Variants in HADHA observed in about 807,000 individuals in gnomAD.
The protein encoded by HADHA is trifunctional enzyme subunit alpha, mitochondrial.
In HADHA, 59 loss-of-function variants were observed where a neutral mutation model predicts 91.3. The ratio of observed to expected loss-of-function variants is 0.65; its 90% CI spans 0.52 to 0.80. HADHA has a LOEUF of 0.80. Among genes scored for constraint, HADHA ranks in the 30% least tolerant of loss-of-function variants. The probability of loss-of-function intolerance (pLI) is 0.00; values close to 1 mark genes in which losing one functional copy is unlikely to be tolerated. For missense variants in HADHA, 800 were observed against 927.6 expected (o/e 0.86, Z 1.79); for synonymous variants, 320 against 338.9 (o/e 0.94, Z 0.61).
Position 26,237,101 on chromosome 2 carries a change from A to G in HADHA, c.181-113T>C, listed in dbSNP as rs1574626729. 4.8e-6 allele frequency: 4 copies of G among 839,102 alleles called. No individual in the cohort carries two copies. In the East Asian group the frequency reaches 7.4e-5, roughly 15 times the overall value. 52.0% of individuals were successfully genotyped at this position (839,102 alleles called of 1,614,324 possible). ...AAATATACTTATCCGGCAGAAATAT[A>G]CTGTTAGAAGAGAGTAAGAAATATC... On this transcript the variant is annotated intron_variant, in intron 3 of 19. Transcript: ENST00000380649.
chr2:26,229,554 T>C lies in HADHA; in HGVS notation c.676+638A>G, dbSNP rs889420287. On this transcript the variant is annotated intron_variant, in intron 7 of 19. Transcript: ENST00000380649. This position sits in a 1 kb window ranked among gnomAD's most constrained non-coding sequence, Gnocchi z 4.3. ...ATCAATTATTGTTAATATTCTCAGG[T>C]TGGTTGTTTCATTTATTATATTACT... is the stretch of plus-strand genomic sequence containing the variant. Among the ~76,000 whole-genome samples, 2 of 152,116 alleles carry C rather than the reference T, an allele frequency of 1.3e-5. No homozygotes were observed. The highest frequency in any genetic ancestry group is 2.1e-4 in the South Asian group (1 of 4,824).
At position 26,219,005 on chromosome 2, in the gene HADHA, T is replaced by C. The variant is rs1356955532; in HGVS notation, c.677-3830A>G. Among the ~76,000 whole-genome samples the C allele has an allele frequency of 2.6e-4, 3 of 11,502 alleles. 1 individual carries two copies. The highest frequency in any genetic ancestry group is 2.0e-3 in the Admixed American group (2 of 976). 7.5% of individuals were successfully genotyped at this position (11,502 alleles called of 152,430 possible). A position where few individuals can be genotyped will look rare whatever the true frequency, so the allele number is the denominator to read the frequency against. On this transcript the variant is annotated intron_variant, in intron 7 of 19. Coordinates refer to ENST00000380649, the MANE Select transcript of HADHA (RefSeq NM_000182.5). ...CTGGGCAACAGAGCAAGACTCCGTC[T>C]CAAAAAAAAAAAAAAAAAGAAAGAA...
rs138421521 is a variant in HADHA, at chr2:26,200,636, G to A, written c.1392+513C>T. 3.3e-3 allele frequency among the ~76,000 whole-genome samples: 496 copies of A among 152,260 alleles called. 4 individuals are homozygous for A. The Middle Eastern group carries it at 0.041, about 13-fold the overall frequency. On this transcript the variant is annotated intron_variant, in intron 13 of 19. Transcript: ENST00000380649. Reference sequence around the variant, plus strand: ...GAGCTCCTACATGAATAAGGTGAACGCACCCTCATTTTCTTCCTTTAGAAT... The same window carrying A: ...GAGCTCCTACATGAATAAGGTGAACACACCCTCATTTTCTTCCTTTAGAAT...
At chr2:26,234,071 A>G in intron 5 of HADHA, 146 bp downstream of exon 5, 1 of 750,614 alleles carries the variant, frequency 1.3e-6, no homozygotes, top group Admixed American at 2.3e-5. Context: ...ACAAGAGCAA[A>G]ATTCCGTCTC....
intron 1 of HADHA, among the ~76,000 whole-genome samples, chr2:26,240,672 C>G (rs1353808356): frequency 6.6e-6 from 1 of 152,048 alleles, no homozygotes; most frequent in African/African-American, 2.4e-5. Context: ...TTCTTTGAGA[C>G]GAGGTCTCCC....
chr2:26,244,429 C>A, intron 1 of HADHA, 101 bp downstream of exon 1: 1 of 1,213,236 alleles, frequency 8.2e-7, no homozygotes, highest in South Asian at 1.3e-5. Context: ...CGTCTCCGGG[C>A]TGGGGCAGGC....
At position 26,194,065 on chromosome 2, in the gene HADHA, G is replaced by C. The variant is rs1021436368; in HGVS notation, c.1690-293C>G. On this transcript the variant is annotated intron_variant, in intron 16 of 19. Coordinates refer to ENST00000380649, the MANE Select transcript of HADHA (RefSeq NM_000182.5). ...AATCTCAATAATAAGGAGATTGCAT[G>C]ACAGACGGCTGAGTGTGTCATGACC... is the stretch of plus-strand genomic sequence containing the variant. Among the ~76,000 whole-genome samples the C allele has an allele frequency of 2.6e-5, 4 of 152,198 alleles. No homozygotes were observed. The East Asian group carries it at 7.7e-4, about 29-fold the overall frequency.
chr2:26,237,765 T>C (rs1418174386), intron 3 of HADHA, among the ~76,000 whole-genome samples: 1 of 152,386 alleles, frequency 6.6e-6, no homozygotes, highest in Admixed American at 6.5e-5. Flanking sequence ...TTTATTATTT[T>C]CTTCTTTATA....
In HADHA at chr2:26,192,354, C is replaced by T. The variant is rs1240339525; in HGVS notation, c.1956G>A (p.Met652Ile). The T allele has an allele frequency of 1.2e-6, 2 of 1,609,848 alleles. No individual in the cohort carries two copies. The highest frequency in any genetic ancestry group is 3.3e-5 in the Admixed American group (2 of 60,018). The change falls in exon 18 of 20, where the codon ATG becomes ATA. Residue 652 changes from methionine to isoleucine, a missense_variant. Coordinates refer to ENST00000380649, the MANE Select transcript of HADHA (RefSeq NM_000182.5). ...GVKRKDLNSD[M>I]DSILASLKLP... ...GCTTCAGACTCGCTAAAATACTATC[C>T]ATGTCAGAATTCAAATCCTTCCTCT...
At position 26,229,194 on chromosome 2, in the gene HADHA, C is replaced by A. The variant is rs1375119257; in HGVS notation, c.676+998G>T. Among the ~76,000 whole-genome samples the A allele has an allele frequency of 6.6e-6, 1 of 151,908 alleles. No homozygotes were observed. Among genetic ancestry groups the A allele is most frequent in the Admixed American group, 6.6e-5 (1 of 15,234 alleles). On this transcript the variant is annotated intron_variant, in intron 7 of 19. Coordinates refer to ENST00000380649, the MANE Select transcript of HADHA (RefSeq NM_000182.5). This position sits in a 1 kb window ranked among gnomAD's most constrained non-coding sequence, Gnocchi z 4.3. ...GTTTCTACAAAAAATAAAAAATTAGCTGGTGTAGCAGCGTATGCCTGTGGT... is the reference window on the plus strand; with the variant it reads ...GTTTCTACAAAAAATAAAAAATTAGATGGTGTAGCAGCGTATGCCTGTGGT...
At chr2:26,232,818 A>G (rs1234979594) in intron 5 of HADHA, among the ~76,000 whole-genome samples, 1 of 152,246 alleles carries the variant, frequency 6.6e-6, no homozygotes, top group African/African-American at 2.4e-5. Context: ...TTGTGTGAAC[A>G]TCGCAGAGTG....
Position 26,192,329 on chromosome 2 carries a change from G to A in HADHA, c.1981C>T (p.Leu661=), listed in dbSNP as rs142348718. 10,501 of 1,587,454 alleles carry A rather than the reference G, an allele frequency of 6.6e-3. 46 individuals carry two copies. The highest frequency in any genetic ancestry group is 8.4e-3 in the Non-Finnish European group (9,660 of 1,155,682). The change falls in exon 18 of 20, where the codon CTG becomes TTG. Residue 661 remains leucine (L), a synonymous_variant. Transcript: ENST00000380649. ...ACTTACACTTCAGACTTAGGAGGCA[G>A]CTTCAGACTCGCTAAAATACTATCC... ...DMDSILASLK[L]PPKSEVSSDE...
At position 26,220,099 on chromosome 2, in the gene HADHA, G is replaced by A. The variant is rs144238933; in HGVS notation, c.677-4924C>T. 1.6e-3 allele frequency among the ~76,000 whole-genome samples: 247 copies of A among 152,236 alleles called. 7 individuals carry two copies. Among genetic ancestry groups the A allele is most frequent in the African/African-American group, 5.7e-3 (236 of 41,556 alleles). ...GATTTTTTGGGGATTACTAGACACT[G>A]GCTTCTGAACTAACACTAATTCTAG... On this transcript the variant is annotated intron_variant, in intron 7 of 19. Transcript: ENST00000380649.
chr2:26,242,821 G>C (rs13412468), intron 1 of HADHA, among the ~76,000 whole-genome samples: 2,410 of 152,244 alleles, frequency 0.016, 65 homozygotes, highest in African/African-American at 0.055. Context: ...GCGCGATCTC[G>C]GCTCACTGCA....
chr2:26,214,388 G>T lies in HADHA; in HGVS notation c.918+55C>A. 1 of 857,080 alleles carries T rather than the reference G, an allele frequency of 1.2e-6. No individual in the cohort carries two copies. Among genetic ancestry groups the T allele is most frequent in the Non-Finnish European group, 2.0e-6 (1 of 489,878 alleles). 53.1% of individuals were successfully genotyped at this position (857,080 alleles called of 1,614,324 possible). ...GTCCAGAATGGCAATAAGGAGGAGT[G>T]ATCTATATAAAGGAAGGAAATATGA... is the stretch of plus-strand genomic sequence containing the variant. On this transcript the variant is annotated intron_variant, in intron 9 of 19. Transcript: ENST00000380649. The surrounding 1 kb of genome is among the most constrained non-coding windows in gnomAD (Gnocchi z 4.1).
rs148925863 is a variant in HADHA, at chr2:26,198,859, C to T, written c.1393-1082G>A. Among the ~76,000 whole-genome samples, 705 of 151,350 alleles carry T rather than the reference C, an allele frequency of 4.7e-3. 4 individuals carry two copies. The highest frequency in any genetic ancestry group is 0.016 in the African/African-American group (672 of 41,290). On this transcript the variant is annotated intron_variant, in intron 13 of 19. Transcript: ENST00000380649. ...GAGGCCAGGAGTTCAAGACCAACCT[C>T]GGCATCATAGTGAGACCCTATATCT...
Position 26,215,169 on chromosome 2 carries a change from C to A in HADHA, c.683G>T (p.Gly228Val), listed in dbSNP as rs1670186512. The A allele has an allele frequency of 6.2e-7, 1 of 1,612,996 alleles. No homozygotes were observed. Among genetic ancestry groups the A allele is most frequent in the Non-Finnish European group, 8.5e-7 (1 of 1,179,260 alleles). The stretch of plus-strand genomic sequence containing the variant: ...TGTCCGTTCCTCTGGAGGTTTTAGT[C>A]CTGGTCCTATAAAAATGAATGCAAC... ...VDQLVEPLGPGLKPPEERTIE... is the reference protein window; with the variant it reads ...VDQLVEPLGPVLKPPEERTIE... The change falls in exon 8 of 20, where the codon GGA becomes GTA. Residue 228 changes from glycine to valine, a missense_variant. Transcript: ENST00000380649.
intron 7 of HADHA, among the ~76,000 whole-genome samples, chr2:26,228,733 G>GTGATC (rs1477314583): frequency 6.6e-6 from 1 of 152,140 alleles, no homozygotes; most frequent in African/African-American, 2.4e-5. Flanking sequence ...GTGCAGTGGT[G>GTGATC]TGATCATAGC....
intron 7 of HADHA, among the ~76,000 whole-genome samples, chr2:26,217,376 G>C (rs1670262519): frequency 6.6e-6 from 1 of 152,166 alleles, no homozygotes; most frequent in Admixed American, 6.5e-5. Context: ...CCAAAAAGGG[G>C]AGGGAGACAG....
Sources: gnomAD v4.1 joint callset for allele counts (sites outside exome capture counted in the v4.1 genomes callset) on GRCh38, gnomAD v4.1.1 for gene constraint, Gnocchi (gnomAD v3.1) non-coding constraint, MANE v1.5 for transcripts, NCBI Gene and HGNC (gene_info 2026-07-23, HGNC 2026-07-21) for gene names.